The following CREB5 variants were observed in gnomAD, a reference collection of about 807,000 sequenced individuals.
The protein encoded by CREB5 is cAMP responsive element binding protein 5.
Under a neutral mutation model 57.1 loss-of-function variants are expected in CREB5, and 19 were observed. That is an observed-to-expected ratio of 0.33 (90% CI 0.23 to 0.49). CREB5 has a LOEUF of 0.49. Among genes scored for constraint, CREB5 ranks in the 20% least tolerant of loss-of-function variants. CREB5 has a pLI of 0.99. For missense variants in CREB5, 579 were observed against 671.6 expected (o/e 0.86, Z 1.52); for synonymous variants, 238 against 238.3 (o/e 1.00, Z 0.01).
At chr7:28,650,330 G>T (rs1160729135) in intron 5 of CREB5, among the ~76,000 whole-genome samples, 2 of 152,172 alleles carry the variant, frequency 1.3e-5, no homozygotes, top group Non-Finnish European at 2.9e-5. Flanking sequence ...TAGCCATGGA[G>T]TGGGACTGTG....
At chr7:28,734,285 T>C (rs1445987485) in intron 7 of CREB5, among the ~76,000 whole-genome samples, 7 of 137,916 alleles carry the variant, frequency 5.1e-5, no homozygotes, top group Non-Finnish European at 7.6e-5. Context: ...TCCAAACACA[T>C]AGGTATAAAC....
intron 1 of CREB5, among the ~76,000 whole-genome samples, chr7:28,376,393 T>G (rs2191830): frequency 6.6e-6 from 1 of 151,746 alleles, no homozygotes. Flanking sequence ...CTCAGCCTCC[T>G]GAGTAGCTGG....
intron 5 of CREB5, among the ~76,000 whole-genome samples, chr7:28,661,633 C>T (rs1355340295): frequency 1.3e-5 from 2 of 152,142 alleles, no homozygotes; most frequent in African/African-American, 2.4e-5. Context: ...TTTATTGAAA[C>T]AGAGTCACAG....
chr7:28,388,405 C>T (rs1321289390), intron 1 of CREB5, among the ~76,000 whole-genome samples: 1 of 152,146 alleles, frequency 6.6e-6, no homozygotes, highest in East Asian at 1.9e-4. Flanking sequence ...GCTTAGGCCT[C>T]AGTGTGGCCA....
At chr7:28,805,182 G>A (rs898869305) in intron 8 of CREB5, among the ~76,000 whole-genome samples, 7 of 152,168 alleles carry the variant, frequency 4.6e-5, no homozygotes, top group African/African-American at 1.2e-4. Context: ...CAAGAGAAAG[G>A]CCAAATCCCA....
chr7:28,732,016 C>T (rs1176075581), intron 7 of CREB5, among the ~76,000 whole-genome samples: 2 of 152,120 alleles, frequency 1.3e-5, no homozygotes, highest in Non-Finnish European at 1.5e-5. Context: ...TTCTTTGTGC[C>T]TGCATGGGTC....
intron 1 of CREB5, among the ~76,000 whole-genome samples, chr7:28,405,324 G>T (rs4523141): frequency 0.082 from 12,525 of 152,228 alleles, 736 homozygotes; most frequent in Non-Finnish European, 0.12. Context: ...AGTGGGAAAA[G>T]GTCACTCTGA....
chr7:28,521,616 A>G (rs921837595), intron 4 of CREB5, among the ~76,000 whole-genome samples: 1 of 152,180 alleles, frequency 6.6e-6, no homozygotes, highest in Non-Finnish European at 1.5e-5. Context: ...TACTGCTTCA[A>G]TCCCTGTATT....
Position 28,339,704 on chromosome 7 carries a change from T to G in CREB5, c.-25+40263T>G, listed in dbSNP as rs111299266. 2.6e-4 allele frequency among the ~76,000 whole-genome samples: 39 copies of G among 152,304 alleles called. 1 individual carries two copies. The highest frequency in any genetic ancestry group is 9.1e-4 in the African/African-American group (38 of 41,574). Reference sequence around the variant, plus strand: ...AGCAGGTGGCAAAGCCAGACAGGCTTGTGTACTTCCCTTCATGCTGCTAAG... The same window carrying G: ...AGCAGGTGGCAAAGCCAGACAGGCTGGTGTACTTCCCTTCATGCTGCTAAG... On this transcript the variant is annotated intron_variant, in intron 1 of 9. Coordinates refer to the CREB5 transcript ENST00000396299.
chr7:28,339,322 T>A (rs1279472105), intron 1 of CREB5, among the ~76,000 whole-genome samples: 1 of 152,168 alleles, frequency 6.6e-6, no homozygotes, highest in African/African-American at 2.4e-5. Context: ...TTTTTAGTCA[T>A]CACAGCCATA....
At chr7:28,301,493 G>A (rs903828854) in intron 1 of CREB5, among the ~76,000 whole-genome samples, 8 of 152,208 alleles carry the variant, frequency 5.3e-5, no homozygotes, top group Admixed American at 3.9e-4. Flanking sequence ...AACAAACTCT[G>A]AGGTGCTGAT....
At chr7:28,670,511 T>A (rs1799995525) in intron 5 of CREB5, among the ~76,000 whole-genome samples, 1 of 152,256 alleles carries the variant, frequency 6.6e-6, no homozygotes, top group Non-Finnish European at 1.5e-5. Context: ...TAGGAATGTT[T>A]TCTGTAGTCA....
chr7:28,628,240 T>C (rs12700895), intron 5 of CREB5, among the ~76,000 whole-genome samples: 35,451 of 151,602 alleles, frequency 0.23, 4,762 homozygotes, highest in East Asian at 0.41. Context: ...TCCAGGACTT[T>C]TGTGGTCTAC....
rs3831526 is a variant in CREB5 at position 28,761,724 on chromosome 7, ATG to A, written c.702+37418_702+37419del. 3.7e-3 allele frequency among the ~76,000 whole-genome samples: 536 copies of A among 145,384 alleles called. 3 individuals carry two copies. The East Asian group carries it at 0.043, about 12-fold the overall frequency. ...GTAATCACTTTAAATGATGTGAGGG[ATG>A]TGTGTGTGTGTGTGTGTGTGTGTGT... On this transcript the variant is annotated intron_variant, in intron 7 of 10. Coordinates refer to ENST00000357727, the MANE Select transcript of CREB5 (RefSeq NM_182898.4).
intron 1 of CREB5, among the ~76,000 whole-genome samples, chr7:28,484,325 A>G (rs1354505530): frequency 6.6e-6 from 1 of 152,214 alleles, no homozygotes; most frequent in Non-Finnish European, 1.5e-5. Flanking sequence ...ATAAAAATAA[A>G]CCATGGCTCT....
At chr7:28,492,362 T>C (rs536369059) in intron 2 of CREB5, among the ~76,000 whole-genome samples, 2 of 152,246 alleles carry the variant, frequency 1.3e-5, no homozygotes, top group Non-Finnish European at 2.9e-5. Flanking sequence ...AGAGTTTCTC[T>C]TGCCCTTTGT....
At chr7:28,764,980 C>T (rs938719411) in intron 7 of CREB5, among the ~76,000 whole-genome samples, 2 of 152,102 alleles carry the variant, frequency 1.3e-5, no homozygotes, top group Admixed American at 6.5e-5. Flanking sequence ...CCTCAAACTC[C>T]GAAATTCATA....
intron 8 of CREB5, among the ~76,000 whole-genome samples, chr7:28,807,430 C>G (rs1808802262): frequency 6.6e-6 from 1 of 152,148 alleles, no homozygotes; most frequent in Admixed American, 6.5e-5. Context: ...GGCTGGGCGA[C>G]AGAGAGAGAC....
intron 5 of CREB5, among the ~76,000 whole-genome samples, chr7:28,706,627 C>G (rs1046968572): frequency 1.3e-5 from 2 of 152,166 alleles, no homozygotes; most frequent in Non-Finnish European, 2.9e-5. Context: ...TGCCAAGTAT[C>G]ATTATTATGA....
Sources: gnomAD v4.1 joint callset for allele counts (sites outside exome capture counted in the v4.1 genomes callset) on GRCh38, gnomAD v4.1.1 for gene constraint, MANE v1.5 for transcripts, NCBI Gene and HGNC (gene_info 2026-07-23, HGNC 2026-07-21) for gene names.